Variants in HMOX1 observed in about 807,000 individuals in gnomAD.
The protein encoded by HMOX1 is heat shock protein, 32-kD.
In HMOX1, 22 loss-of-function variants were observed where a neutral mutation model predicts 27.8. That is an observed-to-expected ratio of 0.79 (90% CI 0.57 to 1.13). The LOEUF is 1.13. Ranked by LOEUF, HMOX1 falls within the 50% of genes most tolerant of loss-of-function variation. The probability of loss-of-function intolerance (pLI) is 0.00; values close to 1 mark genes in which losing one functional copy is unlikely to be tolerated. For synonymous variants in HMOX1, 153 were observed against 151.6 expected (o/e 1.01, Z -0.07); for missense variants, 379 against 377.7 (o/e 1.00, Z -0.03).
Position 35,389,904 on chromosome 22 carries a change from A to G in HMOX1, c.677A>G (p.Lys226Arg). Residue 226 changes from lysine to arginine, a missense_variant, in exon 4 of 5, where the codon AAG (lysine) becomes AGG (arginine). Physicochemically the swap from Lys to Arg is conservative, Grantham distance 26. Transcript: ENST00000216117. ...ELQELLTHDTKDQSPSRAPGL... is the reference protein window; with the variant it reads ...ELQELLTHDTRDQSPSRAPGL... ...CAGGAGCTGCTGACCCATGACACCA[A>G]GGACCAGAGCCCCTCACGGGCACCA... The G allele has an allele frequency of 1.2e-6, 2 of 1,612,122 alleles. No individual in the cohort carries two copies. The highest frequency in any genetic ancestry group is 1.7e-6 in the Non-Finnish European group (2 of 1,179,768).
rs1228175888 is a variant in HMOX1, at chr22:35,386,987, G to C, written c.447G>C (p.Lys149Asn). The part of the protein sequence containing the change: ...GDLSGGQVLK[K>N]IAQKALDLPS... ...TGTCTGGGGGCCAGGTGCTCAAAAA[G>C]ATTGCCCAGAAAGCCCTGGACCTGC... The change falls in exon 3 of 5, where the codon AAG (lysine) becomes AAC (asparagine). Residue 149 changes from lysine (K) to asparagine (N), a missense_variant. Transcript: ENST00000216117. The C allele has an allele frequency of 6.2e-7, 1 of 1,613,964 alleles. No individual in the cohort carries two copies. Among genetic ancestry groups the C allele is most frequent in the Non-Finnish European group, 8.5e-7 (1 of 1,180,042 alleles).
intron 2 of HMOX1, among the ~76,000 whole-genome samples, chr22:35,385,412 G>A (rs1332410485): frequency 6.6e-6 from 1 of 150,960 alleles, no homozygotes; most frequent in Non-Finnish European, 1.5e-5. Flanking sequence ...TGTAAAATGG[G>A]AATAGCAATT....
At chr22:35,392,438 G>GTT (rs1291872961) in intron 4 of HMOX1, among the ~76,000 whole-genome samples, 2 of 152,146 alleles carry the variant, frequency 1.3e-5, no homozygotes, top group Admixed American at 6.5e-5. Flanking sequence ...CAACACACAT[G>GTT]TAAATGTCAC....
At position 35,393,842 on chromosome 22, in the gene HMOX1, C is replaced by T. The variant is rs17880056; in HGVS notation, c.*244C>T. 5,044 of 497,830 alleles carry T rather than the reference C, an allele frequency of 0.01. 192 individuals are homozygous for T. The highest frequency in any genetic ancestry group is 0.089 in the African/African-American group (4,591 of 51,530). The allele number at this position is 497,830 out of a possible 1,614,324, so 30.8% of individuals were successfully genotyped here. On this transcript the variant is annotated 3_prime_UTR_variant, in exon 5 of 5. Coordinates refer to ENST00000216117, the MANE Select transcript of HMOX1 (RefSeq NM_002133.3). ...GGGCGAAGGGATCAGCCCTGCCCTT[C>T]AGCATCCTCAGTTCCTGCAGCAGAG...
intron 3 of HMOX1, among the ~76,000 whole-genome samples, chr22:35,389,312 TTTCTTTC>T (rs1474001633): frequency 8.0e-6 from 1 of 125,314 alleles, no homozygotes; most frequent in South Asian, 2.4e-4. Flanking sequence ...TCTTTCTTTC[TTTCTTTC>T]TTCTTTCTTT....
At chr22:35,384,496 C>T (rs1931461703) in intron 2 of HMOX1, among the ~76,000 whole-genome samples, 1 of 152,020 alleles carries the variant, frequency 6.6e-6, no homozygotes, top group South Asian at 2.1e-4. Flanking sequence ...AGATGAGGTA[C>T]ACCCAGTTGC....
At chr22:35,383,279 G>A in intron 2 of HMOX1, 53 bp downstream of exon 2, 1 of 1,601,726 alleles carries the variant, frequency 6.2e-7, no homozygotes, top group South Asian at 1.1e-5. Context: ...GGTGTGGGTG[G>A]ACCCAAGGCT....
rs907546802 is a variant in HMOX1 at position 35,393,999 on chromosome 22, TTG to T, written c.*405_*406del. 11 of 318,474 alleles carry T rather than the reference TTG, an allele frequency of 3.5e-5. No individual in the cohort carries two copies. Among genetic ancestry groups the T allele is most frequent in the African/African-American group, 2.4e-4 (11 of 46,486 alleles). 19.7% of individuals were successfully genotyped at this position (318,474 alleles called of 1,614,324 possible). A position where few individuals can be genotyped will look rare whatever the true frequency, so the allele number is the denominator to read the frequency against. ...ATTTTTACACAAACCTGAAAAGATG[TTG>T]TGTCTTGTGTTTTTGTCTTATTTTT... is the stretch of plus-strand genomic sequence containing the variant. On this transcript the variant is annotated 3_prime_UTR_variant, in exon 5 of 5. Transcript: ENST00000216117.
At chr22:35,393,428 C>T (rs199908457) in intron 4 of HMOX1, 40 bp from the exon 5 acceptor site, 295 of 1,613,624 alleles carry the variant, frequency 1.8e-4, no homozygotes, top group Non-Finnish European at 2.3e-4. Flanking sequence ...CCCTGATGCA[C>T]GCCCACCTGT....
chr22:35,385,609 CTTTTT>C (rs71191362), intron 2 of HMOX1, among the ~76,000 whole-genome samples: 1 of 94,198 alleles, frequency 1.1e-5, no homozygotes, highest in African/African-American at 4.4e-5. Flanking sequence ...CCATACCTGG[CTTTTT>C]TTTTTTTTTT....
chr22:35,391,283 A>G (rs1367188367), intron 4 of HMOX1, among the ~76,000 whole-genome samples: 1 of 149,228 alleles, frequency 6.7e-6, no homozygotes, highest in Non-Finnish European at 1.5e-5. Context: ...CACTACTACT[A>G]TTTTTTTGGT....
In HMOX1 at chr22:35,389,323, T is replaced by TTTCTTTC. The variant is rs1569057374; in HGVS notation, c.637-538_637-532dup. On this transcript the variant is annotated intron_variant, in intron 3 of 4. Transcript: ENST00000216117. Reference sequence around the variant, plus strand: ...TCTTTCTTTCTTTCTTTCTTTCTTCTTTCTTTCTTTCTTTCTTCTCCTTCC... The same window carrying TTTCTTTC: ...TCTTTCTTTCTTTCTTTCTTTCTTCTTTCTTTCTTCTTTCTTTCTTTCTTCTCCTTCC... 3.8e-4 allele frequency among the ~76,000 whole-genome samples: 41 copies of TTTCTTTC among 108,728 alleles called. 2 individuals carry two copies. The highest frequency in any genetic ancestry group is 1.6e-3 in the Admixed American group (19 of 11,776). 71.3% of individuals were successfully genotyped at this position (108,728 alleles called of 152,430 possible). A position where few individuals can be genotyped will look rare whatever the true frequency, so the allele number is the denominator to read the frequency against.
Position 35,381,118 on chromosome 22 carries a change from T to C in HMOX1, c.-56T>C. The C allele has an allele frequency of 6.5e-7, 1 of 1,534,644 alleles. No individual in the cohort carries two copies. The highest frequency in any genetic ancestry group is 1.4e-5 in the African/African-American group (1 of 73,106). ...GTCAACGCCTGCCTCCTCTCGAGCGTCCTCAGCGCAGCCGCCGCCCGCGGA... is the reference window on the plus strand; with the variant it reads ...GTCAACGCCTGCCTCCTCTCGAGCGCCCTCAGCGCAGCCGCCGCCCGCGGA... On this transcript the variant is annotated 5_prime_UTR_variant, in exon 1 of 5. Transcript: ENST00000216117.
chr22:35,393,425 G>A, intron 4 of HMOX1, 43 bp from the exon 5 acceptor site: 1 of 1,613,474 alleles, frequency 6.2e-7, no homozygotes, highest in Non-Finnish European at 8.5e-7. Context: ...ACACCCTGAT[G>A]CACGCCCACC....
intron 1 of HMOX1, 74 bp from the exon 2 acceptor site, chr22:35,383,032 G>C: frequency 3.8e-6 from 6 of 1,596,534 alleles, no homozygotes; most frequent in Non-Finnish European, 4.3e-6. Flanking sequence ...CTGCCCACAG[G>C]TGGGAGGCTC....
At chr22:35,388,889 T>C (rs1428857273) in intron 3 of HMOX1, among the ~76,000 whole-genome samples, 1 of 152,146 alleles carries the variant, frequency 6.6e-6, no homozygotes, top group East Asian at 1.9e-4. Flanking sequence ...GAGCTACAGT[T>C]TCCTCATCTG....
intron 4 of HMOX1, chr22:35,390,186 C>G (rs553503148): frequency 3.8e-4 from 222 of 587,354 alleles, no homozygotes; most frequent in African/African-American, 3.5e-3. Context: ...TCTGCCTCCC[C>G]ACATGCTGCA....
chr22:35,389,449 T>TTTCTTTCTTTCTTTCTTTC (rs1555901645), intron 3 of HMOX1, among the ~76,000 whole-genome samples: 1 of 102,724 alleles, frequency 9.7e-6, no homozygotes, highest in Non-Finnish European at 1.7e-5. Context: ...TCTTTCTTTC[T>TTTCTTTCTTTCTTTCTTTC]TTTCTTTCTT....
intron 3 of HMOX1, among the ~76,000 whole-genome samples, chr22:35,389,430 ATCTTTCTT>A (rs1362902173): frequency 2.0e-4 from 7 of 34,680 alleles, no homozygotes; most frequent in South Asian, 8.6e-4. Context: ...CTTTCTTTCT[ATCTTTCTT>A]TCTTTCTTTC....
Sources: gnomAD v4.1 joint callset for allele counts (sites outside exome capture counted in the v4.1 genomes callset) on GRCh38, gnomAD v4.1.1 for gene constraint, MANE v1.5 for transcripts, NCBI Gene and HGNC (gene_info 2026-07-23, HGNC 2026-07-21) for gene names.